The following UGP2 variants were observed in gnomAD, a reference collection of about 807,000 sequenced individuals.
UGP2 encodes the protein UTP--glucose-1-phosphate uridylyltransferase.
A neutral mutation model predicts 49.0 loss-of-function variants in UGP2; 40 were observed. That is an observed-to-expected ratio of 0.82 (90% CI 0.63 to 1.06). The LOEUF (loss-of-function observed/expected upper bound fraction) is 1.06. Ranked by LOEUF, UGP2 falls within the 50% of genes least tolerant of loss-of-function variation. The pLI is 0.00. For synonymous variants in UGP2, 225 were observed against 213.0 expected (o/e 1.06, Z -0.49); for missense variants, 460 against 603.5 (o/e 0.76, Z 2.49).
intron 3 of UGP2, among the ~76,000 whole-genome samples, chr2:63,859,968 T>C (rs1038798345): frequency 6.6e-6 from 1 of 152,198 alleles, no homozygotes. Context: ...AGAATACAAA[T>C]CTTGAGCTAA....
At chr2:63,878,025 A>T (rs1456480428) in intron 3 of UGP2, among the ~76,000 whole-genome samples, 2 of 143,828 alleles carry the variant, frequency 1.4e-5, no homozygotes, top group Non-Finnish European at 3.0e-5. Context: ...AAAAAAAAAA[A>T]AAAAGAAGTC....
intron 6 of UGP2, 31 bp from the exon 7 acceptor site, chr2:63,886,310 T>C: frequency 6.2e-7 from 1 of 1,604,078 alleles, no homozygotes; most frequent in Non-Finnish European, 8.5e-7. Context: ...GAGACTGATG[T>C]GGAGGCACTC....
intron 3 of UGP2, among the ~76,000 whole-genome samples, chr2:63,877,109 G>A (rs1202686462): frequency 6.6e-6 from 1 of 152,242 alleles, no homozygotes; most frequent in Admixed American, 6.5e-5. Context: ...GCTTTAAAAT[G>A]TTGATGTTAC....
chr2:63,851,579 C>G (rs1669045957), intron 1 of UGP2, among the ~76,000 whole-genome samples: 1 of 152,172 alleles, frequency 6.6e-6, no homozygotes, highest in Non-Finnish European at 1.5e-5. Context: ...GGATGATTCT[C>G]ATTATTCTGG....
At chr2:63,856,656 A>T in intron 2 of UGP2, 1 of 551,366 alleles carries the variant, frequency 1.8e-6, no homozygotes, top group Non-Finnish European at 3.3e-6. Flanking sequence ...GAAGTTTTCA[A>T]AGTCATTAAA....
intron 1 of UGP2, among the ~76,000 whole-genome samples, chr2:63,844,050 G>A (rs1671760516): frequency 6.6e-6 from 1 of 152,142 alleles, no homozygotes. Flanking sequence ...ATATGCCATA[G>A]CCTATAGTTG....
At chr2:63,882,780 T>C in intron 4 of UGP2, 129 bp downstream of exon 4, 2 of 1,050,676 alleles carry the variant, frequency 1.9e-6, no homozygotes, top group Non-Finnish European at 2.6e-6. Flanking sequence ...TTAATCTCTT[T>C]ATTGGTGGAA....
chr2:63,871,550 T>C (rs1391225188), intron 3 of UGP2, among the ~76,000 whole-genome samples: 1 of 152,252 alleles, frequency 6.6e-6, no homozygotes, highest in African/African-American at 2.4e-5. Flanking sequence ...CCTCCCAGTG[T>C]GCTGGGATTA....
rs6759849 is a variant in UGP2, at chr2:63,867,497, A to G, written c.255+9561A>G. Among the ~76,000 whole-genome samples, 978 of 152,310 alleles carry G rather than the reference A, an allele frequency of 6.4e-3. 13 individuals are homozygous for G. The highest frequency in any genetic ancestry group is 0.022 in the African/African-American group (910 of 41,556). ...TGCCAGGCATTTTGGCAAAGGCTCA[A>G]CCACAGCAAAGGATGCTATCGTTAC... is the stretch of plus-strand genomic sequence containing the variant. On this transcript the variant is annotated intron_variant, in intron 3 of 9. Coordinates refer to ENST00000337130, the MANE Select transcript of UGP2 (RefSeq NM_006759.4).
At chr2:63,843,499 GTTAC>G (rs1671722621) in intron 1 of UGP2, among the ~76,000 whole-genome samples, 1 of 152,238 alleles carries the variant, frequency 6.6e-6, no homozygotes, top group Non-Finnish European at 1.5e-5. Context: ...AAGTGGACAA[GTTAC>G]TTCTCTTTAA....
intron 1 of UGP2, among the ~76,000 whole-genome samples, chr2:63,852,872 C>A (rs1360175949): frequency 6.6e-6 from 1 of 152,106 alleles, no homozygotes; most frequent in Non-Finnish European, 1.5e-5. Flanking sequence ...CCGTGGAGAA[C>A]AGGGTGGGCA....
chr2:63,875,631 C>A (rs1396261417), intron 3 of UGP2, among the ~76,000 whole-genome samples: 5 of 152,200 alleles, frequency 3.3e-5, no homozygotes, highest in African/African-American at 9.6e-5. Flanking sequence ...GCGTGTTCTT[C>A]AGTAGATTGC....
In UGP2 at chr2:63,855,520, G is replaced by GTTTTTTTTTTTTTTT. The variant is rs372160888; in HGVS notation, c.20-779_20-765dup. On this transcript the variant is annotated intron_variant, in intron 1 of 9. Transcript: ENST00000337130. ...TTGGGTCTGGGGTGTTTCTTTTTCT[G>GTTTTTTTTTTTTTTT]TTTTTTTTTTTTTTTTTTTTTCTCT... The GTTTTTTTTTTTTTTT allele has an allele frequency of 9.4e-4, 183 of 194,260 alleles. 2 individuals are homozygous for GTTTTTTTTTTTTTTT. The highest frequency in any genetic ancestry group is 2.2e-3 in the South Asian group (55 of 24,468). The allele number at this position is 194,260 out of a possible 1,614,324, so 12.0% of individuals were successfully genotyped here.
In UGP2 at chr2:63,866,007, A is replaced by T. The variant is rs142039046; in HGVS notation, c.255+8071A>T. Among the ~76,000 whole-genome samples the T allele has an allele frequency of 5.6e-3, 858 of 152,330 alleles. 13 individuals carry two copies. The highest frequency in any genetic ancestry group is 0.019 in the African/African-American group (802 of 41,572). Reference sequence around the variant, plus strand: ...AAATGGGTTTAAAAAAGCTCTTTCTAAGAAAACTGAATTGAATGCTTTGGG... The same window carrying T: ...AAATGGGTTTAAAAAAGCTCTTTCTTAGAAAACTGAATTGAATGCTTTGGG... On this transcript the variant is annotated intron_variant, in intron 3 of 9. Coordinates refer to ENST00000337130, the MANE Select transcript of UGP2 (RefSeq NM_006759.4).
chr2:63,885,594 C>T lies in UGP2; in HGVS notation c.581C>T (p.Pro194Leu). 2.6e-6 allele frequency: 4 copies of T among 1,540,060 alleles called. No individual in the cohort carries two copies. The highest frequency in any genetic ancestry group is 3.5e-6 in the Non-Finnish European group (4 of 1,149,448). Residue 194 changes from proline to leucine, a missense_variant, in exon 6 of 10, where the codon CCG becomes CTG. Transcript: ENST00000337130. Reference sequence around the variant, plus strand: ...GAACTTTTTTTTTTTTAAAGGTACCCGAGGATTAATAAAGAATCTTTACTT... The same window carrying T: ...GAACTTTTTTTTTTTTAAAGGTACCTGAGGATTAATAAAGAATCTTTACTT... ...KIYTFNQSRY[P>L]RINKESLLPV...
intron 3 of UGP2, among the ~76,000 whole-genome samples, chr2:63,882,205 A>G (rs560487830): frequency 6.6e-6 from 1 of 152,348 alleles, no homozygotes; most frequent in Admixed American, 6.5e-5. Context: ...CAGACAATAT[A>G]TAGGGCCTAC....
At chr2:63,872,540 G>A (rs1045893001) in intron 3 of UGP2, among the ~76,000 whole-genome samples, 3 of 152,178 alleles carry the variant, frequency 2.0e-5, no homozygotes, top group African/African-American at 7.2e-5. Context: ...ATTTGCCATA[G>A]TAAGTGGTAG....
intron 3 of UGP2, among the ~76,000 whole-genome samples, chr2:63,872,982 CCTT>C (rs1670660866): frequency 1.3e-5 from 2 of 152,128 alleles, no homozygotes; most frequent in East Asian, 1.9e-4. Flanking sequence ...CTGTAATTCA[CCTT>C]CTTCTGCATC....
chr2:63,856,639 A>T, intron 2 of UGP2: 2 of 595,182 alleles, frequency 3.4e-6, no homozygotes, highest in Admixed American at 6.1e-5. Flanking sequence ...TTTTCATTTA[A>T]GCCTAGGAAG....
Sources: allele counts gnomAD v4.1 joint callset (sites outside exome capture counted in the v4.1 genomes callset), GRCh38; gene constraint gnomAD v4.1.1; transcripts MANE v1.5; gene names NCBI Gene and HGNC (gene_info 2026-07-23, HGNC 2026-07-21).